Variants in PTER observed in about 807,000 individuals in gnomAD.
The protein encoded by PTER is phosphotriesterase related, also known as N-acetyltaurine hydrolase.
A neutral mutation model predicts 29.6 loss-of-function variants in PTER; 38 were observed. The ratio of observed to expected loss-of-function variants is 1.28; its 90% confidence interval spans 0.99 to 1.68. The LOEUF (loss-of-function observed/expected upper bound fraction) is 1.68, where lower values mean the gene tolerates loss of function less well. Ranked by LOEUF, PTER falls within the 40% of genes most tolerant of loss-of-function variation. The probability of loss-of-function intolerance (pLI) is 0.00; values close to 1 mark genes in which losing one functional copy is unlikely to be tolerated. For synonymous variants in PTER, 172 were observed against 154.5 expected (o/e 1.11, Z -0.84); for missense variants, 482 against 427.8 (o/e 1.13, Z -1.12).
chr10:16,474,443 A>AT (rs1054136864), intron 1 of PTER, among the ~76,000 whole-genome samples: 4 of 152,008 alleles, frequency 2.6e-5, no homozygotes, highest in Middle Eastern at 3.4e-3. Context: ...ACTTATTTTG[A>AT]TTTTTTTTAG....
chr10:16,514,448 C>T (rs1242600808), downstream of PTER: 6 of 1,266,906 alleles, frequency 4.7e-6, no homozygotes, highest in African/African-American at 5.9e-5. Context: ...ATTGGCATCC[C>T]CTGGGATCCT....
At chr10:16,479,922 G>A (rs1318659312) in intron 1 of PTER, among the ~76,000 whole-genome samples, 1 of 151,280 alleles carries the variant, frequency 6.6e-6, no homozygotes, top group Non-Finnish European at 1.5e-5. Context: ...TTGTCAGTTA[G>A]GGTTTCTTCA....
chr10:16,444,004 C>CTTT (rs199711479), intron 1 of PTER, among the ~76,000 whole-genome samples: 1 of 136,860 alleles, frequency 7.3e-6, no homozygotes, highest in African/African-American at 2.7e-5. Flanking sequence ...AAAACTTTTT[C>CTTT]TTTTTTTTTT....
intron 1 of PTER, among the ~76,000 whole-genome samples, chr10:16,475,609 AGGGGG>A (rs1835231826): frequency 1.3e-5 from 2 of 152,172 alleles, no homozygotes; most frequent in South Asian, 4.1e-4. Flanking sequence ...ACAGGGTAGA[AGGGGG>A]CTACACAAGG....
downstream of PTER, among the ~76,000 whole-genome samples, chr10:16,515,477 T>C (rs1836936093): frequency 6.6e-6 from 1 of 152,174 alleles, no homozygotes; most frequent in African/African-American, 2.4e-5. Context: ...CTCTGAGGCC[T>C]CTCAAGTTTC....
At chr10:16,456,881 G>C (rs1834422126) in intron 1 of PTER, among the ~76,000 whole-genome samples, 1 of 148,182 alleles carries the variant, frequency 6.7e-6, no homozygotes, top group Non-Finnish European at 1.5e-5. Context: ...GTTCCGCCAT[G>C]CTGTTCTCGT....
intron 1 of PTER, among the ~76,000 whole-genome samples, chr10:16,450,559 A>G (rs550914770): frequency 1.0e-3 from 159 of 152,328 alleles, no homozygotes; most frequent in African/African-American, 3.8e-3. Flanking sequence ...GACAGGAGAC[A>G]TCTGATGAGA....
chr10:16,456,862 T>TCGG (rs147690650), intron 1 of PTER, among the ~76,000 whole-genome samples: 2 of 113,598 alleles, frequency 1.8e-5, no homozygotes, highest in East Asian at 5.4e-4. Flanking sequence ...ATGGGGAAGG[T>TCGG]GGGGGGGGGT....
chr10:16,455,745 C>T (rs1427663469), intron 1 of PTER, among the ~76,000 whole-genome samples: 2 of 152,058 alleles, frequency 1.3e-5, no homozygotes, highest in Non-Finnish European at 2.9e-5. Context: ...GATACCTAAA[C>T]AAGAACTCAA....
At chr10:16,492,794 A>G (rs534794651) in intron 3 of PTER, among the ~76,000 whole-genome samples, 1 of 152,356 alleles carries the variant, frequency 6.6e-6, no homozygotes, top group South Asian at 2.1e-4. Context: ...GAAGGAAAAT[A>G]GCGCATCACT....
intron 1 of PTER, among the ~76,000 whole-genome samples, chr10:16,482,222 A>G (rs550635292): frequency 3.3e-5 from 5 of 152,340 alleles, no homozygotes; most frequent in African/African-American, 1.2e-4. Flanking sequence ...CCTGAGTTCC[A>G]GATAATTGCA....
chr10:16,492,817 T>C (rs1383871205), intron 3 of PTER, among the ~76,000 whole-genome samples: 1 of 152,196 alleles, frequency 6.6e-6, no homozygotes, highest in African/African-American at 2.4e-5. Context: ...CTTTGAAAAT[T>C]CCTAGCTGAG....
At chr10:16,438,396 A>G (rs1833729483) in intron 1 of PTER, among the ~76,000 whole-genome samples, 1 of 151,188 alleles carries the variant, frequency 6.6e-6, no homozygotes, top group South Asian at 2.1e-4. Context: ...TCCCCCGTTC[A>G]AGTGATCCTC....
At chr10:16,482,576 G>C (rs1454975856) in intron 1 of PTER, among the ~76,000 whole-genome samples, 1 of 152,110 alleles carries the variant, frequency 6.6e-6, no homozygotes, top group Non-Finnish European at 1.5e-5. Context: ...GTCAAAGAAG[G>C]CTTTCAAGGG....
chr10:16,460,827 C>A (rs1017692279), intron 1 of PTER, among the ~76,000 whole-genome samples: 2 of 152,138 alleles, frequency 1.3e-5, no homozygotes, highest in African/African-American at 4.8e-5. Context: ...AGAGATTCTC[C>A]TGCCTCAGCC....
intron 1 of PTER, among the ~76,000 whole-genome samples, chr10:16,481,911 G>C (rs1835494895): frequency 1.3e-5 from 2 of 152,098 alleles, no homozygotes; most frequent in Admixed American, 6.5e-5. Context: ...TCAACGGAAG[G>C]CATGAACTAC....
chr10:16,443,422 C>A (rs1833912350), intron 1 of PTER, among the ~76,000 whole-genome samples: 1 of 152,138 alleles, frequency 6.6e-6, no homozygotes, highest in Non-Finnish European at 1.5e-5. Context: ...ACAACTGAGC[C>A]CAAAATGCTC....
At chr10:16,495,719 A>G (rs888567638) in intron 3 of PTER, among the ~76,000 whole-genome samples, 2 of 152,324 alleles carry the variant, frequency 1.3e-5, no homozygotes, top group Non-Finnish European at 2.9e-5. Flanking sequence ...CCACTTGCCC[A>G]AGGAATTCAC....
intron 1 of PTER, among the ~76,000 whole-genome samples, chr10:16,482,534 G>A (rs556514727): frequency 2.6e-5 from 4 of 152,284 alleles, no homozygotes; most frequent in Non-Finnish European, 4.4e-5. Context: ...AATGTGCTTC[G>A]TTATTTTAAT....
Sources: gnomAD v4.1 joint callset for allele counts (sites outside exome capture counted in the v4.1 genomes callset) on GRCh38, gnomAD v4.1.1 for gene constraint, MANE v1.5 for transcripts, NCBI Gene and HGNC (gene_info 2026-07-23, HGNC 2026-07-21) for gene names.